ASAH2: variants seen among roughly 807,000 people sequenced by gnomAD.
ASAH2 encodes neutral ceramidase.
ASAH2 carries 58 observed loss-of-function variants against 82.9 expected under a neutral mutation model. That is an observed-to-expected ratio of 0.70 (90% CI 0.57 to 0.87). The LOEUF is 0.87. Ranked by LOEUF, ASAH2 falls within the 40% of genes least tolerant of loss-of-function variation. The pLI, the probability that ASAH2 is intolerant of heterozygous loss-of-function variation, is 0.00. For synonymous variants in ASAH2, 276 were observed against 289.7 expected (o/e 0.95, Z 0.48); for missense variants, 779 against 834.0 (o/e 0.93, Z 0.81).
In ASAH2 at chr10:50,185,148, G is replaced by C. The variant is rs1406051823; in HGVS notation, c.*2167C>G. The C allele has an allele frequency of 6.6e-6, 1 of 151,112 alleles. No individual in the cohort carries two copies. The highest frequency in any genetic ancestry group is 2.4e-5 in the African/African-American group (1 of 40,864). The allele number at this position is 151,112 out of a possible 1,614,324, so 9.4% of individuals were successfully genotyped here. A position where few individuals can be genotyped will look rare whatever the true frequency, so the allele number is the denominator to read the frequency against. ...CTGCCACATGGTTTGGCTCCAGTGAGCCAGTCCCTGCAGCATCCACAGACA... is the reference window on the plus strand; with the variant it reads ...CTGCCACATGGTTTGGCTCCAGTGACCCAGTCCCTGCAGCATCCACAGACA... On this transcript the variant is annotated 3_prime_UTR_variant, in exon 21 of 21. Coordinates refer to ENST00000682911, the MANE Select transcript of ASAH2 (RefSeq NM_019893.4).
At chr10:50,205,042 G>T in intron 13 of ASAH2, 87 bp from the exon 14 acceptor site, 1 of 887,208 alleles carries the variant, frequency 1.1e-6, no homozygotes, top group Non-Finnish European at 1.7e-6. Context: ...ATTTCCTCTA[G>T]TTTCTAATTT....
At chr10:50,227,544 TTTTAA>T (rs1845920115) in intron 7 of ASAH2, among the ~76,000 whole-genome samples, 1 of 152,168 alleles carries the variant, frequency 6.6e-6, no homozygotes, top group Non-Finnish European at 1.5e-5. Context: ...GGTAGTATAA[TTTTAA>T]TTTAATTTTT....
At chr10:50,249,711 C>G (rs1752152137) in intron 1 of ASAH2, among the ~76,000 whole-genome samples, 1 of 152,142 alleles carries the variant, frequency 6.6e-6, no homozygotes, top group Non-Finnish European at 1.5e-5. Flanking sequence ...AAACTGGTAG[C>G]ATTTTTTAAT....
intron 7 of ASAH2, among the ~76,000 whole-genome samples, chr10:50,225,919 C>T (rs1293655283): frequency 2.6e-5 from 4 of 152,014 alleles, no homozygotes; most frequent in South Asian, 2.1e-4. Flanking sequence ...GGTGAAACCC[C>T]GTCTCTACTA....
chr10:50,219,540 A>C (rs1845690280), intron 7 of ASAH2, among the ~76,000 whole-genome samples: 2 of 152,204 alleles, frequency 1.3e-5, no homozygotes, highest in South Asian at 4.1e-4. Context: ...CGCTCAAGAA[A>C]AGAGAAATGC....
At chr10:50,210,938 G>T in intron 11 of ASAH2, 34 bp from the exon 12 acceptor site, 4 of 1,608,688 alleles carry the variant, frequency 2.5e-6, no homozygotes, top group Non-Finnish European at 3.4e-6. Context: ...AAACAAAAAT[G>T]AAAAAGACAA....
chr10:50,216,243 C>G (rs1258799891), intron 8 of ASAH2, among the ~76,000 whole-genome samples: 1 of 151,744 alleles, frequency 6.6e-6, no homozygotes, highest in South Asian at 2.1e-4. Flanking sequence ...CACCATAGCA[C>G]GTGTATACCT....
In ASAH2 at chr10:50,243,237, C is replaced by T. The variant is rs777210243; in HGVS notation, c.475G>A (p.Asp159Asn). 11 of 1,613,940 alleles carry T rather than the reference C, an allele frequency of 6.8e-6. No homozygotes were observed. The highest frequency in any genetic ancestry group is 2.2e-5 in the South Asian group (2 of 91,070). Residue 159 changes from aspartate (D) to asparagine (N), a missense_variant, in exon 4 of 21, where the codon GAC becomes AAC. By Grantham distance (23) the Asp-to-Asn change is conservative. Coordinates refer to ENST00000682911, the MANE Select transcript of ASAH2 (RefSeq NM_019893.4). ...AGCCTTTGTGATACCATGCCTATGT[C>T]GATGCTGACAAACACTGTTCGATTG... The part of the protein sequence containing the change: ...GSNRTVFVSI[D>N]IGMVSQRLRL...
chr10:50,203,604 T>C (rs1462344649), intron 15 of ASAH2, 36 bp downstream of exon 15: 17 of 1,251,298 alleles, frequency 1.4e-5, no homozygotes, highest in Non-Finnish European at 2.0e-5. Context: ...TCACCAAACA[T>C]GAACATGTAG....
At chr10:50,213,813 G>A (rs1036954208) in intron 9 of ASAH2, among the ~76,000 whole-genome samples, 54 of 152,046 alleles carry the variant, frequency 3.6e-4, no homozygotes, top group African/African-American at 7.0e-4. Context: ...TTAAAAAGTC[G>A]ATAAGAAAAA....
Position 50,210,840 on chromosome 10 carries a change from C to G in ASAH2, c.1397G>C (p.Gly466Ala). 1 of 1,612,734 alleles carries G rather than the reference C, an allele frequency of 6.2e-7. No individual in the cohort carries two copies. Among genetic ancestry groups the G allele is most frequent in the South Asian group, 1.1e-5 (1 of 91,060 alleles). The change falls in exon 12 of 21, where the codon GGC (glycine) becomes GCC (alanine). Residue 466 changes from glycine (G) to alanine (A), a missense_variant. Around this residue, in one of 3 missense-constraint regions of ASAH2, gnomAD observed 759 missense variants for 755.2 expected, o/e 1.00. Transcript: ENST00000682911. ...CACCTTACCCTGTGTAAAATTGAGG[C>G]CTCCAACTCCATCAATAGTGCCAGC... ...FAAGTIDGVG[G>A]LNFTQGKTEG...
chr10:50,236,705 A>C (rs1292641521), intron 4 of ASAH2, among the ~76,000 whole-genome samples: 1 of 152,158 alleles, frequency 6.6e-6, no homozygotes, highest in Admixed American at 6.5e-5. Context: ...CTTTATTACA[A>C]TTTCAAGAGC....
At chr10:50,226,013 A>C (rs1282949689) in intron 7 of ASAH2, among the ~76,000 whole-genome samples, 1 of 152,062 alleles carries the variant, frequency 6.6e-6, no homozygotes. Context: ...GAATCGCTTG[A>C]ACCCAGGAGG....
chr10:50,229,253 G>A (rs1845969189), intron 7 of ASAH2, among the ~76,000 whole-genome samples: 1 of 151,872 alleles, frequency 6.6e-6, no homozygotes, highest in Non-Finnish European at 1.5e-5. Flanking sequence ...AGTGAATTTT[G>A]TAAATGTTAC....
At chr10:50,248,716 C>G in intron 1 of ASAH2, 70 bp from the exon 2 acceptor site, 1 of 1,187,258 alleles carries the variant, frequency 8.4e-7, no homozygotes, top group Non-Finnish European at 1.2e-6. Flanking sequence ...TATCTTAGCT[C>G]TTTCATATTA....
At chr10:50,245,025 T>G (rs1052006317) in intron 3 of ASAH2, among the ~76,000 whole-genome samples, 197 bp downstream of exon 3, 2 of 152,052 alleles carry the variant, frequency 1.3e-5, no homozygotes, top group African/African-American at 4.8e-5. Flanking sequence ...CAATGGATTT[T>G]ACAGGGGAGT....
chr10:50,234,326 G>C, intron 6 of ASAH2, 99 bp downstream of exon 6: 1 of 1,520,324 alleles, frequency 6.6e-7, no homozygotes, highest in East Asian at 2.3e-5. Flanking sequence ...TACTCTCTTG[G>C]GACCTCACCA....
chr10:50,200,413 A>G (rs1845109402), intron 16 of ASAH2, among the ~76,000 whole-genome samples: 1 of 151,386 alleles, frequency 6.6e-6, no homozygotes, highest in South Asian at 2.1e-4. Flanking sequence ...TGGTCCATCA[A>G]TGTGCCTGCC....
chr10:50,235,655 C>T (rs1564848031), intron 5 of ASAH2, among the ~76,000 whole-genome samples: 1 of 152,126 alleles, frequency 6.6e-6, no homozygotes, highest in African/African-American at 2.4e-5. Flanking sequence ...TAAATAACTA[C>T]ATTGGGCTTA....
Sources: allele counts gnomAD v4.1 joint callset (sites outside exome capture counted in the v4.1 genomes callset), GRCh38; gene constraint gnomAD v4.1.1; regional missense constraint gnomAD v4.1.1; transcripts MANE v1.5; gene names NCBI Gene and HGNC (gene_info 2026-07-23, HGNC 2026-07-21).